Variants in NECAB2 observed in about 807,000 individuals in gnomAD.
The protein encoded by NECAB2 is N-terminal EF-hand calcium binding protein 2.
NECAB2 carries 68 observed loss-of-function variants against 51.9 expected under a neutral mutation model. The observed-to-expected ratio is 1.31, with a 90% CI of 1.08 to 1.60. NECAB2 has a LOEUF of 1.60. Among genes scored for constraint, NECAB2 ranks in the 40% most tolerant of loss-of-function variants. The probability of loss-of-function intolerance (pLI) is 0.00; values close to 1 mark genes in which losing one functional copy is unlikely to be tolerated. For missense variants in NECAB2, 854 were observed against 490.3 expected (o/e 1.74, Z -7.00); for synonymous variants, 329 against 203.5 (o/e 1.62, Z -5.25).
chr16:83,965,537 C>A (rs770269388), upstream of NECAB2: 1 of 1,612,734 alleles, frequency 6.2e-7, no homozygotes, highest in Non-Finnish European at 8.5e-7. Context: ...CGTGGACGAC[C>A]CTGGCCTGGT....
In NECAB2 at chr16:83,982,718, C is replaced by T. The variant is rs116375136; in HGVS notation, c.459+1591C>T. 3.4e-3 allele frequency among the ~76,000 whole-genome samples: 514 copies of T among 152,264 alleles called. 3 individuals are homozygous for T. Among genetic ancestry groups the T allele is most frequent in the African/African-American group, 0.012 (481 of 41,536 alleles). On this transcript the variant is annotated intron_variant, in intron 5 of 12. Transcript: ENST00000305202. The stretch of plus-strand genomic sequence containing the variant: ...AGTTCTCCATCAGTGTCTACTGATA[C>T]AAGTTAGACCGGTTTTAGAGATCTT...
In NECAB2 at chr16:83,979,080, C is replaced by T. The variant is rs139312731; in HGVS notation, c.335+528C>T. Among the ~76,000 whole-genome samples, 319 of 152,312 alleles carry T rather than the reference C, an allele frequency of 2.1e-3. 1 individual carries two copies. Among genetic ancestry groups the T allele is most frequent in the African/African-American group, 7.0e-3 (293 of 41,566 alleles). On this transcript the variant is annotated intron_variant, in intron 3 of 12. Transcript: ENST00000305202. Reference sequence around the variant, plus strand: ...TGCATCTCAGAATCAGCCAAAAACTCTGTCTCCACCCATCTCTAAATCAAG... The same window carrying T: ...TGCATCTCAGAATCAGCCAAAAACTTTGTCTCCACCCATCTCTAAATCAAG...
At chr16:83,983,979 C>T (rs1341146711) in intron 5 of NECAB2, among the ~76,000 whole-genome samples, 1 of 145,698 alleles carries the variant, frequency 6.9e-6, no homozygotes, top group Non-Finnish European at 1.5e-5. Context: ...TTGTAAAATA[C>T]ATATATATAT....
chr16:83,994,717 C>G (rs752658671), intron 8 of NECAB2, 29 bp downstream of exon 8: 2 of 1,611,210 alleles, frequency 1.2e-6, no homozygotes, highest in Non-Finnish European at 1.7e-6. Context: ...ACGGCGTCTA[C>G]TCCTTCCAAC....
chr16:83,988,873 G>A (rs1245934066), intron 5 of NECAB2, among the ~76,000 whole-genome samples: 5 of 152,236 alleles, frequency 3.3e-5, no homozygotes, highest in African/African-American at 7.2e-5. Flanking sequence ...AAATAGGCAC[G>A]TGTACCCCTG....
intron 7 of NECAB2, 87 bp from the exon 8 acceptor site, chr16:83,994,522 C>T (rs576203602): frequency 5.6e-6 from 9 of 1,597,768 alleles, no homozygotes; most frequent in African/African-American, 5.4e-5. Flanking sequence ...GTTTGATGCC[C>T]CTGGAGGGGC....
chr16:83,990,672 G>A (rs147444633), intron 6 of NECAB2, 42 bp downstream of exon 6: 308 of 1,605,450 alleles, frequency 1.9e-4, no homozygotes, highest in Non-Finnish European at 2.3e-4. Flanking sequence ...GGGGTATGCC[G>A]TGCACGCGCA....
At chr16:84,001,965 G>A (rs1317347857) in intron 12 of NECAB2, 49 bp downstream of exon 12, 5 of 1,584,256 alleles carry the variant, frequency 3.2e-6, no homozygotes, top group Admixed American at 3.5e-5. Context: ...CTGGAGAGAA[G>A]GGCAAGAGCC....
chr16:83,999,417 G>T (rs938405098), intron 10 of NECAB2, among the ~76,000 whole-genome samples: 3 of 152,172 alleles, frequency 2.0e-5, no homozygotes, highest in African/African-American at 4.8e-5. Flanking sequence ...CACGGTGGAC[G>T]TAGAGGCTCT....
chr16:83,992,042 G>A (rs1014977314), intron 6 of NECAB2, among the ~76,000 whole-genome samples: 4 of 151,894 alleles, frequency 2.6e-5, no homozygotes, highest in Non-Finnish European at 5.9e-5. Flanking sequence ...TGAAGTAACT[G>A]TAAAAATAAG....
chr16:83,978,180 T>G (rs2084437977), intron 2 of NECAB2, among the ~76,000 whole-genome samples: 1 of 152,216 alleles, frequency 6.6e-6, no homozygotes, highest in Non-Finnish European at 1.5e-5. Flanking sequence ...AAACAGGCAT[T>G]GGTCTGGGAA....
intron 5 of NECAB2, among the ~76,000 whole-genome samples, chr16:83,990,041 C>T (rs2084602470): frequency 6.6e-6 from 1 of 152,184 alleles, no homozygotes; most frequent in African/African-American, 2.4e-5. Flanking sequence ...GTCGTGGATT[C>T]TTCTTGCCTG....
At position 83,977,619 on chromosome 16, in the gene NECAB2, C is replaced by G. The variant is rs773423073; in HGVS notation, c.227-825C>G. Reference sequence around the variant, plus strand: ...GCTGTGGAGGCCCCTCTGTGGAGCTCCACCTCAGAAGCACAGCCTCTGGCC... The same window carrying G: ...GCTGTGGAGGCCCCTCTGTGGAGCTGCACCTCAGAAGCACAGCCTCTGGCC... On this transcript the variant is annotated intron_variant, in intron 2 of 12. Coordinates refer to ENST00000305202, the MANE Select transcript of NECAB2 (RefSeq NM_019065.3). Among the ~76,000 whole-genome samples, 156 of 152,196 alleles carry G rather than the reference C, an allele frequency of 1.0e-3. 2 individuals carry two copies. Among genetic ancestry groups the G allele is most frequent in the Non-Finnish European group, 2.0e-3 (139 of 68,006 alleles).
chr16:83,999,732 G>A (rs917373737), intron 10 of NECAB2, among the ~76,000 whole-genome samples: 15 of 152,078 alleles, frequency 9.9e-5, no homozygotes, highest in Admixed American at 9.2e-4. Context: ...GGACTTGCCT[G>A]CAGCCCCTTC....
chr16:83,965,713 C>T (rs149907599), upstream of NECAB2: 439 of 1,613,626 alleles, frequency 2.7e-4, 1 homozygote, highest in African/African-American at 5.0e-3. Flanking sequence ...TCCAGGACCT[C>T]GAGGGTGTCG....
intron 9 of NECAB2, 147 bp from the exon 10 acceptor site, chr16:83,998,058 C>T (rs1597226605): frequency 7.2e-6 from 5 of 693,824 alleles, no homozygotes; most frequent in East Asian, 2.7e-5. Flanking sequence ...ATTTTTAGTC[C>T]ATTCTTATCC....
intron 1 of NECAB2, among the ~76,000 whole-genome samples, chr16:83,969,247 T>C (rs2084323077): frequency 6.6e-6 from 1 of 151,866 alleles, no homozygotes; most frequent in African/African-American, 2.4e-5. Flanking sequence ...CCGGATCCTG[T>C]CCGGAGCGAT....
At chr16:83,997,183 G>A in intron 8 of NECAB2, 33 bp from the exon 9 acceptor site, 2 of 1,613,928 alleles carry the variant, frequency 1.2e-6, no homozygotes, top group Non-Finnish European at 1.7e-6. Flanking sequence ...TGGGGCTCTG[G>A]GTCTAGCATC....
chr16:83,979,567 G>A (rs558806021), intron 3 of NECAB2, among the ~76,000 whole-genome samples: 104 of 152,288 alleles, frequency 6.8e-4, no homozygotes, highest in African/African-American at 2.4e-3. Context: ...GGGGCCAGAT[G>A]GAGATTTCTG....
Sources: allele counts gnomAD v4.1 joint callset (sites outside exome capture counted in the v4.1 genomes callset), GRCh38; gene constraint gnomAD v4.1.1; transcripts MANE v1.5; gene names NCBI Gene and HGNC (gene_info 2026-07-23, HGNC 2026-07-21).